Variants in ERMP1 observed in about 807,000 individuals in gnomAD.
ERMP1 encodes endoplasmic reticulum metallopeptidase 1.
In ERMP1, 86 loss-of-function variants were observed where a neutral mutation model predicts 92.0. The ratio of observed to expected loss-of-function variants is 0.93; its 90% CI spans 0.79 to 1.12. ERMP1 has a LOEUF of 1.12. Ranked by LOEUF, ERMP1 falls within the 50% of genes most tolerant of loss-of-function variation. ERMP1 has a pLI of 0.00. For missense variants in ERMP1, 1,342 were observed against 1,116.3 expected (o/e 1.20, Z -2.88); for synonymous variants, 530 against 412.8 (o/e 1.28, Z -3.44).
chr9:5,850,582 T>A (rs992546549), intron 6 of ERMP1, among the ~76,000 whole-genome samples: 1 of 152,080 alleles, frequency 6.6e-6, no homozygotes, highest in Admixed American at 6.6e-5. Context: ...CTGAAAATGC[T>A]CACTGTCAGT....
intron 10 of ERMP1, among the ~76,000 whole-genome samples, chr9:5,802,559 T>A (rs1308696074): frequency 1.3e-5 from 2 of 152,154 alleles, no homozygotes; most frequent in African/African-American, 4.8e-5. Flanking sequence ...TAATTTCTTG[T>A]GTTTTTAGTA....
At chr9:5,857,759 C>G (rs1830397192) in intron 6 of ERMP1, among the ~76,000 whole-genome samples, 1 of 152,144 alleles carries the variant, frequency 6.6e-6, no homozygotes. Flanking sequence ...TGACTGGGAT[C>G]CCTAGGGATC....
chr9:5,798,436 G>A (rs993068076), intron 12 of ERMP1, among the ~76,000 whole-genome samples: 5 of 151,690 alleles, frequency 3.3e-5, no homozygotes, highest in African/African-American at 1.2e-4. Flanking sequence ...GGCTGGTCTC[G>A]AACTCCCGAC....
At chr9:5,835,161 A>G (rs1228805724), upstream of ERMP1, among the ~76,000 whole-genome samples, 1 of 152,204 alleles carries the variant, frequency 6.6e-6, no homozygotes, top group East Asian at 1.9e-4. Context: ...GAGTTAAGTT[A>G]CAGCTGAGTT....
At chr9:5,861,715 G>A (rs925465924) in intron 5 of ERMP1, among the ~76,000 whole-genome samples, 40 of 97,972 alleles carry the variant, frequency 4.1e-4, no homozygotes, top group African/African-American at 1.4e-3. Flanking sequence ...AAGAGAGGAA[G>A]GGTTTTTTTT....
rs1390320586 is a variant in ERMP1, at chr9:5,823,943, T to A, written c.827A>T (p.Asn276Ile). Residue 276 changes from asparagine to isoleucine, a missense_variant, in exon 4 of 15, where the codon AAC (asparagine) becomes ATC (isoleucine). By Grantham distance (149) the Asn-to-Ile change is moderately radical (BLOSUM62 -3). Coordinates refer to ENST00000339450, the MANE Select transcript of ERMP1 (RefSeq NM_024896.3). ...PWASLIRAFI[N>I]LEAAGVGGKE... The stretch of plus-strand genomic sequence containing the variant: ...CCCTCCTACACCTGCTGCCTCTAGG[T>A]TAATGAATGCACGAATCAAGCTAGC... 2 of 1,614,134 alleles carry A rather than the reference T, an allele frequency of 1.2e-6. No individual in the cohort carries two copies.
chr9:5,824,207 T>C (rs751576326), intron 3 of ERMP1, among the ~76,000 whole-genome samples: 14 of 152,138 alleles, frequency 9.2e-5, no homozygotes, highest in Non-Finnish European at 1.9e-4. Flanking sequence ...AAGTCACCTA[T>C]CACAGAAGGC....
intron 9 of ERMP1, 28 bp from the exon 10 acceptor site, chr9:5,805,245 A>G (rs1828826234): frequency 6.5e-7 from 1 of 1,532,682 alleles, no homozygotes; most frequent in Non-Finnish European, 8.9e-7. Context: ...AAAAGCACAC[A>G]TCTATGAAAT....
chr9:5,787,166 G>A lies in ERMP1; in HGVS notation c.2693C>T (p.Thr898Ile), dbSNP rs758241482. ...AGATTAAAATACAAAGAGATCGTAG[G>A]TGCACACCCAGGCAGAGGGAAATGT... is the stretch of plus-strand genomic sequence containing the variant. ...DWTFPSAWVC[T>I]YDLFVF The change falls in exon 15 of 15, where the codon ACC (threonine) becomes ATC (isoleucine). Residue 898 changes from threonine to isoleucine, a missense_variant. Physicochemically the swap from Thr to Ile is moderately conservative, Grantham distance 89. Transcript: ENST00000339450. 1.2e-6 allele frequency: 2 copies of A among 1,613,862 alleles called. No individual in the cohort carries two copies. Among genetic ancestry groups the A allele is most frequent in the Non-Finnish European group, 1.7e-6 (2 of 1,179,884 alleles).
In ERMP1 at chr9:5,787,084, G is replaced by A; in HGVS notation, c.*60C>T. On this transcript the variant is annotated 3_prime_UTR_variant, in exon 15 of 15. Coordinates refer to ENST00000339450, the MANE Select transcript of ERMP1 (RefSeq NM_024896.3). Reference sequence around the variant, plus strand: ...ACGTTACAAACATCCACGTAACATAGGGAGAAACCATGTCACATGGAGTAT... The same window carrying A: ...ACGTTACAAACATCCACGTAACATAAGGAGAAACCATGTCACATGGAGTAT... 3 of 1,470,006 alleles carry A rather than the reference G, an allele frequency of 2.0e-6. No individual in the cohort carries two copies. Among genetic ancestry groups the A allele is most frequent in the Non-Finnish European group, 2.8e-6 (3 of 1,080,322 alleles). 91.1% of individuals were successfully genotyped at this position (1,470,006 alleles called of 1,614,324 possible). A position where few individuals can be genotyped will look rare whatever the true frequency, so the allele number is the denominator to read the frequency against.
intron 10 of ERMP1, among the ~76,000 whole-genome samples, chr9:5,804,161 G>C (rs1337492596): frequency 6.6e-6 from 1 of 152,086 alleles, no homozygotes; most frequent in Non-Finnish European, 1.5e-5. Context: ...TCCTTTTCCT[G>C]TTTGGTTCCC....
intron 2 of ERMP1, among the ~76,000 whole-genome samples, chr9:5,828,998 A>G (rs1050199278): frequency 1.3e-5 from 2 of 151,922 alleles, no homozygotes; most frequent in East Asian, 3.8e-4. Context: ...AATCTCAGAA[A>G]TTTGGGAGAC....
chr9:5,849,024 A>G (rs534374085), intron 6 of ERMP1, among the ~76,000 whole-genome samples: 5 of 151,996 alleles, frequency 3.3e-5, no homozygotes, highest in Admixed American at 6.5e-5. Flanking sequence ...ATTTATATTT[A>G]TATTTTTATT....
At chr9:5,866,228 T>A (rs1027729969) in intron 5 of ERMP1, among the ~76,000 whole-genome samples, 1 of 152,226 alleles carries the variant, frequency 6.6e-6, no homozygotes, top group Non-Finnish European at 1.5e-5. Context: ...ATATTGTTTG[T>A]AGAACTATTA....
In ERMP1 at chr9:5,810,042, A is replaced by T. The variant is rs142615324; in HGVS notation, c.1517T>A (p.Ile506Lys). The T allele has an allele frequency of 1.9e-6, 3 of 1,612,492 alleles. No individual in the cohort carries two copies. Among genetic ancestry groups the T allele is most frequent in the African/African-American group, 1.3e-5 (1 of 75,036 alleles). Residue 506 changes from isoleucine to lysine, a missense_variant, in exon 8 of 15, where the codon ATA becomes AAA. Ile to Lys is a moderately radical substitution (Grantham distance 102). Coordinates refer to ENST00000339450, the MANE Select transcript of ERMP1 (RefSeq NM_024896.3). The stretch of plus-strand genomic sequence containing the variant: ...ATAAAATCTTTTCGCAAGAGTATGT[A>T]TAAGTATTATTTTGGCTACAGTTGC... The part of the protein sequence containing the change: ...GTATVAKIIL[I>K]HTLAKRFYYM...
intron 6 of ERMP1, among the ~76,000 whole-genome samples, chr9:5,839,339 C>T (rs945400231): frequency 2.6e-5 from 4 of 152,190 alleles, no homozygotes; most frequent in Non-Finnish European, 4.4e-5. Context: ...TCCTTCATAG[C>T]ACATTCCTCA....
At chr9:5,819,716 G>T (rs1042370173) in intron 4 of ERMP1, among the ~76,000 whole-genome samples, 3 of 152,102 alleles carry the variant, frequency 2.0e-5, no homozygotes, top group African/African-American at 7.2e-5. Flanking sequence ...GTCTCCCTCT[G>T]TTATTTAGAT....
chr9:5,847,986 G>C (rs1830260363), intron 6 of ERMP1, among the ~76,000 whole-genome samples: 1 of 151,658 alleles, frequency 6.6e-6, no homozygotes, highest in Non-Finnish European at 1.5e-5. Flanking sequence ...TATTATCCTG[G>C]TTTTATCAAT....
chr9:5,825,147 G>C lies in ERMP1; in HGVS notation c.713C>G (p.Ala238Gly). Residue 238 changes from alanine (A) to glycine (G), a missense_variant, in exon 3 of 15, where the codon GCC becomes GGC. Coordinates refer to ENST00000339450, the MANE Select transcript of ERMP1 (RefSeq NM_024896.3). ...GAGAAATATGACAGCATGATGCAAG[G>C]CTTCTGAAGATGTTGACAAGACGCG... is the stretch of plus-strand genomic sequence containing the variant. Reference protein sequence around the residue: ...VLRVLSTSSEALHHAVIFLFN... With the variant: ...VLRVLSTSSEGLHHAVIFLFN... The C allele has an allele frequency of 1.2e-6, 2 of 1,613,962 alleles. No individual in the cohort carries two copies. Among genetic ancestry groups the C allele is most frequent in the South Asian group, 1.1e-5 (1 of 91,064 alleles).
Sources: allele counts gnomAD v4.1 joint callset (sites outside exome capture counted in the v4.1 genomes callset), GRCh38; gene constraint gnomAD v4.1.1; transcripts MANE v1.5; gene names NCBI Gene and HGNC (gene_info 2026-07-23, HGNC 2026-07-21).